Variants in WDR49 observed in about 807,000 individuals in gnomAD.
WDR49 encodes the protein WD repeat domain 49, also known as cilia- and flagella-associated protein 337.
A neutral mutation model predicts 119.5 loss-of-function variants in WDR49; 107 were observed. The observed-to-expected ratio is 0.90, with a 90% confidence interval of 0.77 to 1.05. WDR49 has a LOEUF of 1.05. WDR49 is among the 50% of genes least tolerant of loss of function. The pLI is 0.00. For synonymous variants in WDR49, 425 were observed against 418.8 expected, an observed-to-expected ratio of 1.01 and a Z score of -0.18; for missense variants, 1,240 against 1,220.5, an observed-to-expected ratio of 1.02 and a Z score of -0.24.
In WDR49 at chr3:167,503,597, T is replaced by C. The variant is rs1751656588; in HGVS notation, c.2884+1710A>G. Among the ~76,000 whole-genome samples, 3 of 152,154 alleles carry C rather than the reference T, an allele frequency of 2.0e-5. No homozygotes were observed. In the South Asian group the frequency reaches 6.2e-4, roughly 31 times the overall value. On this transcript the variant is annotated intron_variant, in intron 17 of 18. Coordinates refer to ENST00000682715, the MANE Select transcript of WDR49 (RefSeq NM_001366157.1). ...AGGGCACTTAGCCGTGCAGGAACAA[T>C]GGCAAGCCTTTAGCCCGATCGGGAG...
chr3:167,496,320 C>G (rs953460759), intron 18 of WDR49, among the ~76,000 whole-genome samples: 1 of 152,106 alleles, frequency 6.6e-6, no homozygotes, highest in African/African-American at 2.4e-5. Flanking sequence ...TGGCCCCCAC[C>G]TACCTGTCTA....
chr3:167,500,433 GC>G, intron 17 of WDR49, 134 bp from the exon 18 acceptor site: 22 of 1,008,756 alleles, frequency 2.2e-5, no homozygotes, highest in Non-Finnish European at 2.8e-5. Context: ...TGGTACAGCT[GC>G]AGTGATCTGC....
At chr3:167,594,083 T>C (rs1349593308) in intron 7 of WDR49, among the ~76,000 whole-genome samples, 1 of 152,148 alleles carries the variant, frequency 6.6e-6, no homozygotes, top group African/African-American at 2.4e-5. Context: ...TACTTCCTTA[T>C]AGCCATGTGA....
chr3:167,485,084 A>G (rs1750870415), intron 18 of WDR49, among the ~76,000 whole-genome samples: 1 of 152,164 alleles, frequency 6.6e-6, no homozygotes, highest in South Asian at 2.1e-4. Flanking sequence ...TCAGCAAACT[A>G]ACACAGGAAC....
At chr3:167,649,348 T>G (rs1577301242) in intron 2 of WDR49, among the ~76,000 whole-genome samples, 1 of 152,268 alleles carries the variant, frequency 6.6e-6, no homozygotes, top group East Asian at 1.9e-4. Context: ...TCTGACTTTC[T>G]ATATTCCTGT....
chr3:167,607,060 T>C (rs1435610446), intron 5 of WDR49, among the ~76,000 whole-genome samples: 1 of 152,198 alleles, frequency 6.6e-6, no homozygotes, highest in African/African-American at 2.4e-5. Flanking sequence ...GCAAGTCTTG[T>C]CTGCTCAGAT....
At chr3:167,587,657 G>C (rs1049295142) in intron 7 of WDR49, among the ~76,000 whole-genome samples, 1 of 151,866 alleles carries the variant, frequency 6.6e-6, no homozygotes, top group Non-Finnish European at 1.5e-5. Context: ...ACTAATTTTT[G>C]TATTTTTTGT....
Position 167,580,933 on chromosome 3 carries a change from T to G in WDR49, c.1276-4782A>C, listed in dbSNP as rs566541920. Among the ~76,000 whole-genome samples the G allele has an allele frequency of 3.3e-5, 5 of 152,238 alleles. No individual in the cohort carries two copies. In the East Asian group the frequency reaches 9.7e-4, roughly 29 times the overall value. On this transcript the variant is annotated intron_variant, in intron 7 of 18. Coordinates refer to ENST00000682715, the MANE Select transcript of WDR49 (RefSeq NM_001366157.1). ...AAACTTTTAAGCTTAAAAATTACAATGGAATAATTTTTTTAATTTGTATTA... is the reference window on the plus strand; with the variant it reads ...AAACTTTTAAGCTTAAAAATTACAAGGGAATAATTTTTTTAATTTGTATTA...
Position 167,503,092 on chromosome 3 carries a change from G to T in WDR49, c.2884+2215C>A, listed in dbSNP as rs188343351. Reference sequence around the variant, plus strand: ...TGTTCTCCATATCCGTGCAGCTCCAGCTCCAGCTGTGGCTCAAAGGGCCCC... The same window carrying T: ...TGTTCTCCATATCCGTGCAGCTCCATCTCCAGCTGTGGCTCAAAGGGCCCC... On this transcript the variant is annotated intron_variant, in intron 17 of 18. Transcript: ENST00000682715. Among the ~76,000 whole-genome samples the T allele has an allele frequency of 6.4e-3, 980 of 152,322 alleles. 7 individuals are homozygous for T. Among genetic ancestry groups the T allele is most frequent in the Non-Finnish European group, 8.5e-3 (579 of 68,030 alleles).
At chr3:167,514,361 TA>T (rs1291960218) in intron 16 of WDR49, among the ~76,000 whole-genome samples, 1 of 151,864 alleles carries the variant, frequency 6.6e-6, no homozygotes, top group Non-Finnish European at 1.5e-5. Context: ...GACTCCTGGG[TA>T]AGTAATGAAA....
chr3:167,537,876 T>C (rs546235010), intron 10 of WDR49, among the ~76,000 whole-genome samples: 1 of 152,270 alleles, frequency 6.6e-6, no homozygotes, highest in African/African-American at 2.4e-5. Context: ...TCTCTTCACC[T>C]TCCTGAAATC....
At chr3:167,623,788 C>T (rs540330758) in intron 3 of WDR49, among the ~76,000 whole-genome samples, 2 of 151,914 alleles carry the variant, frequency 1.3e-5, no homozygotes, top group East Asian at 3.9e-4. Context: ...TTGAAGATAA[C>T]GTGATATTAT....
chr3:167,568,306 C>A (rs1339732978), intron 8 of WDR49, among the ~76,000 whole-genome samples: 1 of 152,158 alleles, frequency 6.6e-6, no homozygotes, highest in African/African-American at 2.4e-5. Flanking sequence ...CCTTTGCTGG[C>A]ATTAAATTCC....
chr3:167,536,724 T>TAC (rs1753047143), intron 11 of WDR49, 146 bp downstream of exon 11: 1 of 193,504 alleles, frequency 5.2e-6, no homozygotes, highest in African/African-American at 2.5e-5. Flanking sequence ...TATATATATA[T>TAC]ATATATATAC....
intron 8 of WDR49, among the ~76,000 whole-genome samples, chr3:167,572,771 A>T (rs1714009998): frequency 6.6e-6 from 1 of 152,204 alleles, no homozygotes; most frequent in Non-Finnish European, 1.5e-5. Flanking sequence ...CAGGAAGAGG[A>T]GAAGTAAGTG....
intron 7 of WDR49, among the ~76,000 whole-genome samples, chr3:167,593,503 C>T (rs1241578489): frequency 6.6e-6 from 1 of 151,856 alleles, no homozygotes; most frequent in African/African-American, 2.4e-5. Flanking sequence ...ATTCTGAATT[C>T]CTTCTCTGTG....
intron 8 of WDR49, among the ~76,000 whole-genome samples, chr3:167,573,424 AC>A (rs1422164806): frequency 1.1e-3 from 164 of 149,172 alleles, no homozygotes; most frequent in African/African-American, 4.1e-3. Flanking sequence ...ACACACACAC[AC>A]ACACAACACA....
At chr3:167,530,417 G>A (rs1752805258) in intron 13 of WDR49, among the ~76,000 whole-genome samples, 1 of 151,940 alleles carries the variant, frequency 6.6e-6, no homozygotes, top group East Asian at 1.9e-4. Flanking sequence ...GAAAGATGCA[G>A]GCTGCATCAA....
At chr3:167,635,518 A>T (rs563076963) in intron 2 of WDR49, among the ~76,000 whole-genome samples, 1 of 151,758 alleles carries the variant, frequency 6.6e-6, no homozygotes, top group Non-Finnish European at 1.5e-5. Context: ...TCTTTCCAAT[A>T]GCATACTTCA....
Sources: gnomAD v4.1 joint callset for allele counts (sites outside exome capture counted in the v4.1 genomes callset) on GRCh38, gnomAD v4.1.1 for gene constraint, MANE v1.5 for transcripts, NCBI Gene and HGNC (gene_info 2026-07-23, HGNC 2026-07-21) for gene names.